The following PIR variants were observed in gnomAD, a reference collection of about 807,000 sequenced individuals.
The protein encoded by PIR is pirin.
A neutral mutation model predicts 24.2 loss-of-function variants in PIR; 22 were observed. That is an observed-to-expected ratio of 0.91 (90% CI 0.65 to 1.30). The LOEUF (loss-of-function observed/expected upper bound fraction) is 1.30. Among genes scored for constraint, PIR ranks in the 50% most tolerant of loss-of-function variants. The probability of loss-of-function intolerance (pLI) is 0.00; values close to 1 mark genes in which losing one functional copy is unlikely to be tolerated. For synonymous variants in PIR, 80 were observed against 79.6 expected, an observed-to-expected ratio of 1.00 and a Z score of -0.03; for missense variants, 220 against 220.3, an observed-to-expected ratio of 1.00 and a Z score of 0.01.
rs532252627 is a variant in PIR at position 15,403,220 on chromosome X, A to T, written c.610+4286T>A. ...AAACTGCTTAATATCACCCAAAACCAGAGCACAGAAGTTTGTGCTCAAAAC... is the reference window on the plus strand; with the variant it reads ...AAACTGCTTAATATCACCCAAAACCTGAGCACAGAAGTTTGTGCTCAAAAC... On this transcript the variant is annotated intron_variant, in intron 7 of 9. Transcript: ENST00000380420. Among the ~76,000 whole-genome samples the T allele has an allele frequency of 2.7e-5, 3 of 112,258 alleles. No individual in the cohort carries two copies. The South Asian group carries it at 1.1e-3, about 41-fold the overall frequency.
intron 5 of PIR, among the ~76,000 whole-genome samples, chrX:15,437,437 G>A (rs1323230057): frequency 1.8e-5 from 2 of 111,284 alleles, no homozygotes; most frequent in African/African-American, 6.6e-5. Context: ...CTGAATGAAT[G>A]AATGAATTGA....
At chrX:15,388,465 T>A (rs895657824) in intron 9 of PIR, among the ~76,000 whole-genome samples, 3 of 112,241 alleles carry the variant, frequency 2.7e-5, no homozygotes, top group Admixed American at 1.9e-4. Context: ...ACCTTCTGCT[T>A]CTTCATCTGT....
chrX:15,425,793 C>A, intron 6 of PIR, 113 bp downstream of exon 6: 1 of 500,475 alleles, frequency 2.0e-6, no homozygotes, highest in South Asian at 3.2e-5. Context: ...GTTCTTAGAA[C>A]TTTGTGCTGA....
intron 9 of PIR, among the ~76,000 whole-genome samples, chrX:15,385,858 C>T (rs752990549): frequency 4.5e-5 from 5 of 112,159 alleles, no homozygotes; most frequent in African/African-American, 1.3e-4. Flanking sequence ...TGTAGCCCAT[C>T]GACCATAGTT....
chrX:15,433,628 AAAGGAGAAAG>A (rs1925604085), intron 5 of PIR, among the ~76,000 whole-genome samples: 1 of 81,775 alleles, frequency 1.2e-5, no homozygotes, highest in South Asian at 6.6e-4. Flanking sequence ...GAAGGAGGAG[AAAGGAGAAAG>A]AAGGAGGAAG....
chrX:15,420,993 T>C (rs1346977192), intron 6 of PIR, among the ~76,000 whole-genome samples: 2 of 111,925 alleles, frequency 1.8e-5, no homozygotes, highest in Non-Finnish European at 3.8e-5. Flanking sequence ...TGAATGCACA[T>C]ATATGTCAGT....
intron 5 of PIR, among the ~76,000 whole-genome samples, chrX:15,440,080 T>A (rs752809007): frequency 9.0e-6 from 1 of 110,976 alleles, no homozygotes; most frequent in Admixed American, 9.6e-5. Flanking sequence ...CATACATCCA[T>A]GGGCACCCCT....
In PIR at chrX:15,448,080, C is replaced by G. The variant is rs562170029; in HGVS notation, c.480+7768G>C. Among the ~76,000 whole-genome samples the G allele has an allele frequency of 3.5e-4, 39 of 112,062 alleles. No homozygotes were observed. The South Asian group carries it at 0.014, about 41-fold the overall frequency. ...TTAGGGATTAGGTCAGCAGGGACAT[C>G]TTGAATGAATAAGAACATCTGGCAC... On this transcript the variant is annotated intron_variant, in intron 5 of 9. Coordinates refer to ENST00000380420, the MANE Select transcript of PIR (RefSeq NM_001018109.3).
intron 6 of PIR, 31 bp from the exon 7 acceptor site, chrX:15,407,581 G>A (rs60953218): frequency 3.6e-5 from 39 of 1,088,295 alleles, no homozygotes; most frequent in Non-Finnish European, 4.2e-5. Flanking sequence ...TAACATGTTA[G>A]TGTCCATAAT....
At chrX:15,436,849 T>C (rs1246633071) in intron 5 of PIR, among the ~76,000 whole-genome samples, 3 of 112,382 alleles carry the variant, frequency 2.7e-5, no homozygotes, top group Non-Finnish European at 5.6e-5. Flanking sequence ...AATTTTATGA[T>C]TAAAATTAAT....
intron 8 of PIR, among the ~76,000 whole-genome samples, chrX:15,391,717 G>T (rs962855889): frequency 9.0e-6 from 1 of 111,567 alleles, no homozygotes; most frequent in Non-Finnish European, 1.9e-5. Context: ...GCGGTTAGTT[G>T]TAACAGGTAG....
In PIR at chrX:15,471,685, G is replaced by C. The variant is rs1469227490; in HGVS notation, c.189+8044C>G. ...TATTGGTTAAGGCCTTACTAAATGG[G>C]CAAATTTTCCCTGAAGCCCTCCCAG... On this transcript the variant is annotated intron_variant, in intron 3 of 9. Transcript: ENST00000380420. Among the ~76,000 whole-genome samples the C allele has an allele frequency of 3.6e-5, 4 of 111,727 alleles. No individual in the cohort carries two copies. The East Asian group carries it at 8.4e-4, about 24-fold the overall frequency.
At chrX:15,399,154 C>T (rs922416014) in intron 7 of PIR, among the ~76,000 whole-genome samples, 2 of 111,664 alleles carry the variant, frequency 1.8e-5, no homozygotes, top group Non-Finnish European at 3.8e-5. Flanking sequence ...ATGAGCAGCC[C>T]ATAAAATGTC....
intron 6 of PIR, among the ~76,000 whole-genome samples, chrX:15,415,723 C>T (rs1394855198): frequency 9.0e-6 from 1 of 111,275 alleles, no homozygotes; most frequent in Non-Finnish European, 1.9e-5. Context: ...TTCAAAACAT[C>T]AAGTTGTACA....
intron 5 of PIR, among the ~76,000 whole-genome samples, chrX:15,443,683 G>A (rs1047920445): frequency 1.8e-4 from 20 of 111,890 alleles, no homozygotes; most frequent in African/African-American, 6.2e-4. Flanking sequence ...TGCTCTAGAT[G>A]CCATTGAGAA....
In PIR at chrX:15,441,614, A is replaced by C. The variant is rs767753017; in HGVS notation, c.480+14234T>G. ...CGAAGGAGCCTCCAGACCCCTCCCT[A>C]ATATCCCCATGAGGCAATACTGCCA... On this transcript the variant is annotated intron_variant, in intron 5 of 9. Transcript: ENST00000380420. Among the ~76,000 whole-genome samples, 23 of 111,461 alleles carry C rather than the reference A, an allele frequency of 2.1e-4. No individual in the cohort carries two copies. In the East Asian group the frequency reaches 6.2e-3, roughly 30 times the overall value.
chrX:15,390,553 T>C (rs1469740263), intron 8 of PIR, among the ~76,000 whole-genome samples: 3 of 111,798 alleles, frequency 2.7e-5, no homozygotes, highest in Non-Finnish European at 3.8e-5. Flanking sequence ...ACCATGTGAT[T>C]AAATGGCTTA....
At position 15,425,034 on chromosome X, in the gene PIR, TA is replaced by T. The variant is rs200003791; in HGVS notation, c.565+871del. On this transcript the variant is annotated intron_variant, in intron 6 of 9. Coordinates refer to ENST00000380420, the MANE Select transcript of PIR (RefSeq NM_001018109.3). ...AACAATTATAAAAATTAGCCAGAAT[TA>T]AAAAAAAAAAAGAACAAAATAGGCC... 8.8e-3 allele frequency among the ~76,000 whole-genome samples: 888 copies of T among 100,347 alleles called. 14 individuals carry two copies. The East Asian group carries it at 0.097, about 11-fold the overall frequency. 87.1% of individuals were successfully genotyped at this position (100,347 alleles called of 115,157 possible). A position where few individuals can be genotyped will look rare whatever the true frequency, so the allele number is the denominator to read the frequency against.
intron 1 of PIR, among the ~76,000 whole-genome samples, chrX:15,491,900 C>G (rs1005949990): frequency 9.0e-6 from 1 of 110,919 alleles, no homozygotes; most frequent in African/African-American, 3.3e-5. Context: ...AATCACCTAA[C>G]AATGCATTTC....
Sources: gnomAD v4.1 joint callset for allele counts (sites outside exome capture counted in the v4.1 genomes callset) on GRCh38, gnomAD v4.1.1 for gene constraint, MANE v1.5 for transcripts, NCBI Gene and HGNC (gene_info 2026-07-23, HGNC 2026-07-21) for gene names.